SAMM50: variants seen among roughly 807,000 people sequenced by gnomAD.
SAMM50 encodes sorting and assembly machinery component 50 homolog.
SAMM50 carries 47 observed loss-of-function variants against 66.9 expected under a neutral mutation model. The ratio of observed to expected loss-of-function variants is 0.70; its 90% CI spans 0.56 to 0.90. The LOEUF (loss-of-function observed/expected upper bound fraction) is 0.90, where lower values mean the gene tolerates loss of function less well. Ranked by LOEUF, SAMM50 falls within the 40% of genes least tolerant of loss-of-function variation. The pLI is 0.00. For missense variants in SAMM50, 535 were observed against 595.3 expected (o/e 0.90, Z 1.05); for synonymous variants, 191 against 214.1 (o/e 0.89, Z 0.94).
rs978505851 is a variant in SAMM50, at chr22:43,996,128, C to G, written c.1365-210C>G. The stretch of plus-strand genomic sequence containing the variant: ...TCTCCTTCTTTCCCTTTTCCATTCT[C>G]CGAGGGCTTAACCAGCTGGTGAAGG... On this transcript the variant is annotated intron_variant, in intron 14 of 14. Coordinates refer to ENST00000350028, the MANE Select transcript of SAMM50 (RefSeq NM_015380.5). The G allele has an allele frequency of 8.9e-6, 6 of 672,176 alleles. No homozygotes were observed. The Middle Eastern group carries it at 1.3e-3, about 149-fold the overall frequency. 41.6% of individuals were successfully genotyped at this position (672,176 alleles called of 1,614,324 possible). A position where few individuals can be genotyped will look rare whatever the true frequency, so the allele number is the denominator to read the frequency against.
intron 4 of SAMM50, among the ~76,000 whole-genome samples, chr22:43,969,811 G>A (rs911549858): frequency 1.4e-4 from 21 of 152,296 alleles, no homozygotes; most frequent in African/African-American, 4.6e-4. Context: ...TGCAGGTTGG[G>A]GGAATGGAGT....
At chr22:43,962,344 CTG>C (rs760174513) in intron 1 of SAMM50, among the ~76,000 whole-genome samples, 5 of 152,296 alleles carry the variant, frequency 3.3e-5, no homozygotes, top group East Asian at 1.9e-4. Flanking sequence ...AGTCAAAAAA[CTG>C]TAAGTTGAAG....
intron 9 of SAMM50, 64 bp from the exon 10 acceptor site, chr22:43,977,808 T>G: frequency 1.8e-6 from 2 of 1,106,630 alleles, no homozygotes; most frequent in Non-Finnish European, 2.7e-6. Flanking sequence ...TGCAAAAACA[T>G]GATTCTGTAG....
intron 6 of SAMM50, 30 bp downstream of exon 6, chr22:43,973,031 C>G (rs1391894296): frequency 2.5e-6 from 4 of 1,577,386 alleles, no homozygotes; most frequent in Non-Finnish European, 3.4e-6. Context: ...ATTGAGTACA[C>G]TGGCCTGATA....
intron 3 of SAMM50, among the ~76,000 whole-genome samples, chr22:43,965,885 C>T (rs2050170713): frequency 6.6e-6 from 1 of 152,132 alleles, no homozygotes; most frequent in South Asian, 2.1e-4. Context: ...CCTGCTCAGG[C>T]TGGAGTCCAG....
intron 8 of SAMM50, 101 bp from the exon 9 acceptor site, chr22:43,976,649 T>C: frequency 1.2e-6 from 1 of 810,886 alleles, no homozygotes; most frequent in South Asian, 1.4e-5. Context: ...GACATGATAG[T>C]TGTAGAGTGC....
chr22:43,960,522 A>G (rs969981191), intron 1 of SAMM50, among the ~76,000 whole-genome samples: 1 of 152,154 alleles, frequency 6.6e-6, no homozygotes, highest in Non-Finnish European at 1.5e-5. Context: ...TGAGGTCAGG[A>G]GTTCAAGACC....
chr22:43,962,329 TG>T (rs1350916842), intron 1 of SAMM50, among the ~76,000 whole-genome samples: 2 of 152,156 alleles, frequency 1.3e-5, no homozygotes, highest in African/African-American at 4.8e-5. Context: ...TTGGCATCAT[TG>T]TAAAGTCAAA....
At position 43,973,386 on chromosome 22, in the gene SAMM50, T is replaced by C. The variant is rs1441165350; in HGVS notation, c.648+63T>C. 3.0e-6 allele frequency: 3 copies of C among 990,470 alleles called. No homozygotes were observed. In the African/African-American group the frequency reaches 4.8e-5, roughly 16 times the overall value. The allele number at this position is 990,470 out of a possible 1,614,324, so 61.4% of individuals were successfully genotyped here. On this transcript the variant is annotated intron_variant, in intron 7 of 14. Transcript: ENST00000350028. ...GAAAACAGGGTGGCTTTTTCACTGA[T>C]TCCCAAAGGCAGCAAGAGGGCAGCG...
At chr22:43,988,080 A>G (rs1569035424) in intron 12 of SAMM50, 1 of 152,140 alleles carries the variant, frequency 6.6e-6, no homozygotes, top group Non-Finnish European at 1.5e-5. Flanking sequence ...CTTTATGTTG[A>G]TCAGATGTTC....
intron 8 of SAMM50, 58 bp from the exon 9 acceptor site, chr22:43,976,692 C>A: frequency 1.5e-6 from 2 of 1,313,390 alleles, no homozygotes; most frequent in South Asian, 1.2e-5. Context: ...TGTGAGTGCT[C>A]ATGGTTATCT....
At chr22:43,968,233 A>G (rs551280763) in intron 3 of SAMM50, among the ~76,000 whole-genome samples, 2 of 145,992 alleles carry the variant, frequency 1.4e-5, no homozygotes, top group African/African-American at 5.5e-5. Flanking sequence ...TCTCAAAAAA[A>G]AAAAAAAAAA....
chr22:43,990,850 C>A (rs2050320788), intron 14 of SAMM50, among the ~76,000 whole-genome samples: 1 of 152,156 alleles, frequency 6.6e-6, no homozygotes, highest in African/African-American at 2.4e-5. Flanking sequence ...GAGGAACCCA[C>A]CTTCTTGGCT....
Position 43,968,751 on chromosome 22 carries a change from A to G in SAMM50, c.255A>G (p.Glu85=), listed in dbSNP as rs1209509468. The change falls in exon 4 of 15, where the codon GAA becomes GAG. Residue 85 remains glutamate (E), a synonymous_variant. Coordinates refer to ENST00000350028, the MANE Select transcript of SAMM50 (RefSeq NM_015380.5). ...TATAGGTAATGCGGAAATCTCATGAAGCCCGTGAAAAATTGCTCCGTCTTG... is the reference window on the plus strand; with the variant it reads ...TATAGGTAATGCGGAAATCTCATGAGGCCCGTGAAAAATTGCTCCGTCTTG... ...NLIEVMRKSH[E]AREKLLRLGI... 2.5e-6 allele frequency: 4 copies of G among 1,612,702 alleles called. No homozygotes were observed. The highest frequency in any genetic ancestry group is 3.4e-6 in the Non-Finnish European group (4 of 1,178,778).
rs902209150 is a variant in SAMM50 at position 43,991,356 on chromosome 22, C to T, written c.1364+950C>T. Among the ~76,000 whole-genome samples the T allele has an allele frequency of 6.7e-5, 10 of 150,312 alleles. No homozygotes were observed. The Admixed American group carries it at 6.7e-4, about 10-fold the overall frequency. Reference sequence around the variant, plus strand: ...ACAATGGCCTGACCATGGCTCACTGCAGCCTTGACCTCCTGGGCTCAAGTG... The same window carrying T: ...ACAATGGCCTGACCATGGCTCACTGTAGCCTTGACCTCCTGGGCTCAAGTG... On this transcript the variant is annotated intron_variant, in intron 14 of 14. Coordinates refer to ENST00000350028, the MANE Select transcript of SAMM50 (RefSeq NM_015380.5).
intron 5 of SAMM50, 23 bp from the exon 6 acceptor site, chr22:43,972,826 TCCTTCAATGTAGACCACTGCTA>T: frequency 1.9e-6 from 3 of 1,553,650 alleles, no homozygotes; most frequent in Non-Finnish European, 2.6e-6. Flanking sequence ...AAGTTCTCAT[TCCTTCAATGTAGACCACTGCTA>T]TTTTTTTTTT....
intron 10 of SAMM50, among the ~76,000 whole-genome samples, chr22:43,981,133 G>A (rs6006597): frequency 0.018 from 2,747 of 152,344 alleles, 98 homozygotes; most frequent in African/African-American, 0.063. Context: ...CCCTGTGTCC[G>A]AATGGAAGCC....
intron 9 of SAMM50, among the ~76,000 whole-genome samples, chr22:43,977,292 AG>A (rs1358058838): frequency 1.3e-5 from 2 of 152,150 alleles, no homozygotes; most frequent in Admixed American, 1.3e-4. Context: ...TGTTGGAGGC[AG>A]GGGGATAGTT....
At position 43,972,218 on chromosome 22, in the gene SAMM50, T is replaced by C. The variant is rs376205223; in HGVS notation, c.323-18T>C. ...ATAACATCCTGGCTGTCTTATTGTT[T>C]AATATTTTTTTATTTAGGTGATGAC... On this transcript the variant is annotated intron_variant, in intron 4 of 14. Transcript: ENST00000350028. 1.0e-4 allele frequency: 152 copies of C among 1,488,830 alleles called. No homozygotes were observed. Among genetic ancestry groups the C allele is most frequent in the Non-Finnish European group, 1.3e-4 (144 of 1,095,908 alleles). The allele number at this position is 1,488,830 out of a possible 1,614,324, so 92.2% of individuals were successfully genotyped here. A position where few individuals can be genotyped will look rare whatever the true frequency, so the allele number is the denominator to read the frequency against.
Sources: gnomAD v4.1 joint callset for allele counts (sites outside exome capture counted in the v4.1 genomes callset) on GRCh38, gnomAD v4.1.1 for gene constraint, MANE v1.5 for transcripts, NCBI Gene and HGNC (gene_info 2026-07-23, HGNC 2026-07-21) for gene names.